The following ZC3H7A variants were observed in gnomAD, a reference collection of about 807,000 sequenced individuals.
ZC3H7A encodes zinc finger CCCH-type containing 7A.
Under a neutral mutation model 125.5 loss-of-function variants are expected in ZC3H7A, and 44 were observed. The ratio of observed to expected loss-of-function variants is 0.35; its 90% CI spans 0.28 to 0.45. The LOEUF (loss-of-function observed/expected upper bound fraction) is 0.45, where lower values mean the gene tolerates loss of function less well. ZC3H7A is among the 20% of genes least tolerant of loss of function. The pLI, the probability that ZC3H7A is intolerant of heterozygous loss-of-function variation, is 1.00. For synonymous variants in ZC3H7A, 399 were observed against 391.2 expected (o/e 1.02, Z -0.23); for missense variants, 977 against 1,170.7 (o/e 0.83, Z 2.41).
chr16:11,769,148 G>C, intron 10 of ZC3H7A, 53 bp from the exon 11 acceptor site: 1 of 1,495,212 alleles, frequency 6.7e-7, no homozygotes. Flanking sequence ...CACGTAATAA[G>C]AACATCAGGG....
At chr16:11,763,690 GT>G in intron 15 of ZC3H7A, 31 bp from the exon 16 acceptor site, 1 of 1,219,930 alleles carries the variant, frequency 8.2e-7, no homozygotes. Flanking sequence ...TTTTAATATT[GT>G]TCTGCCATAG....
At chr16:11,753,000 A>G in intron 21 of ZC3H7A, 168 bp from the exon 22 acceptor site, 2 of 723,608 alleles carry the variant, frequency 2.8e-6, no homozygotes, top group Non-Finnish European at 4.4e-6. Context: ...CACTCAGGAC[A>G]CAGAGAAGAA....
At chr16:11,787,213 G>A (rs1018119251) in intron 1 of ZC3H7A, among the ~76,000 whole-genome samples, 2 of 152,226 alleles carry the variant, frequency 1.3e-5, no homozygotes, top group Admixed American at 1.3e-4. Context: ...AAGGCAAGAG[G>A]ACTGATTAAG....
intron 1 of ZC3H7A, among the ~76,000 whole-genome samples, chr16:11,792,380 G>C (rs1369586468): frequency 1.3e-5 from 2 of 152,186 alleles, no homozygotes; most frequent in Non-Finnish European, 2.9e-5. Context: ...TGGATCTTCA[G>C]AACTCCCTTA....
intron 9 of ZC3H7A, among the ~76,000 whole-genome samples, chr16:11,771,280 C>T (rs2052976563): frequency 6.6e-6 from 1 of 151,746 alleles, no homozygotes; most frequent in African/African-American, 2.4e-5. Flanking sequence ...CCCAGCTACT[C>T]AGGAGGCTGA....
chr16:11,780,235 CTT>C (rs2141207365), intron 3 of ZC3H7A, among the ~76,000 whole-genome samples: 1 of 151,298 alleles, frequency 6.6e-6, no homozygotes, highest in South Asian at 2.1e-4. Flanking sequence ...ATTCTCGTGT[CTT>C]AGCCTCCCGA....
intron 2 of ZC3H7A, 91 bp downstream of exon 2, chr16:11,782,196 C>A (rs2053183598): frequency 2.1e-6 from 3 of 1,432,750 alleles, no homozygotes; most frequent in Non-Finnish European, 2.9e-6. Flanking sequence ...ACCTATTAAA[C>A]ATGACTAAAG....
chr16:11,781,500 G>C, intron 2 of ZC3H7A, 36 bp from the exon 3 acceptor site: 1 of 1,598,074 alleles, frequency 6.3e-7, no homozygotes, highest in Non-Finnish European at 8.6e-7. Context: ...TAATTATCAA[G>C]CTCCTTATCG....
In ZC3H7A at chr16:11,763,548, T is replaced by C; in HGVS notation, c.1932A>G (p.Leu644=). 6.2e-7 allele frequency: 1 copy of C among 1,611,038 alleles called. No homozygotes were observed. Among genetic ancestry groups the C allele is most frequent in the Non-Finnish European group, 8.5e-7 (1 of 1,178,420 alleles). The part of the protein sequence containing the change: ...LCRHEVRYGC[L]REDECFYAHS... ...GGGCATAAAAGCACTCATCTTCCCTTAAACAGCCATACCGAACTTCATGTC... is the reference window on the plus strand; with the variant it reads ...GGGCATAAAAGCACTCATCTTCCCTCAAACAGCCATACCGAACTTCATGTC... Residue 644 remains leucine, a synonymous_variant, in exon 16 of 23, where the codon TTA becomes TTG. Transcript: ENST00000355758.
In ZC3H7A at chr16:11,762,722, T is replaced by C. The variant is rs2052772939; in HGVS notation, c.2028A>G (p.Gln676=). ...AATTCTGCCAATATCGTTTAGACTC[T>C]TGAGCAATAGCATCATGTGAGATAC... ...ETGISHDAIA[Q]ESKRYWQNLE... is the part of the protein sequence containing the mutation. The change falls in exon 17 of 23, where the codon CAA becomes CAG. Residue 676 remains glutamine, a synonymous_variant. Transcript: ENST00000355758. 1.9e-6 allele frequency: 3 copies of C among 1,613,852 alleles called. No homozygotes were observed. Among genetic ancestry groups the C allele is most frequent in the East Asian group, 2.2e-5 (1 of 44,894 alleles).
At chr16:11,788,788 A>G (rs1172351568) in intron 1 of ZC3H7A, among the ~76,000 whole-genome samples, 2 of 151,438 alleles carry the variant, frequency 1.3e-5, no homozygotes, top group South Asian at 2.1e-4. Flanking sequence ...TAATTTTTGT[A>G]TTTTTAGTAG....
chr16:11,774,540 T>C (rs1431087083), intron 8 of ZC3H7A, 21 bp from the exon 9 acceptor site: 1 of 1,497,658 alleles, frequency 6.7e-7, no homozygotes, highest in African/African-American at 1.4e-5. Flanking sequence ...GATGGAAATG[T>C]ACTCAGTCAC....
chr16:11,784,776 C>G (rs1454987895), intron 1 of ZC3H7A, among the ~76,000 whole-genome samples: 1 of 150,682 alleles, frequency 6.6e-6, no homozygotes, highest in Non-Finnish European at 1.5e-5. Flanking sequence ...ATCACTTGAA[C>G]CTGGGAGGCG....
intron 15 of ZC3H7A, among the ~76,000 whole-genome samples, chr16:11,764,748 C>T (rs2052825234): frequency 6.6e-6 from 1 of 151,912 alleles, no homozygotes; most frequent in Admixed American, 6.6e-5. Context: ...AAAACCAAAT[C>T]ACTACATGCA....
intron 10 of ZC3H7A, 74 bp from the exon 11 acceptor site, chr16:11,769,169 T>C: frequency 7.6e-7 from 1 of 1,320,678 alleles, no homozygotes; most frequent in Non-Finnish European, 1.0e-6. Flanking sequence ...CTTAGTAGCT[T>C]ACTGGCTATG....
intron 1 of ZC3H7A, among the ~76,000 whole-genome samples, chr16:11,790,858 A>T (rs888838840): frequency 6.6e-6 from 1 of 151,820 alleles, no homozygotes; most frequent in Non-Finnish European, 1.5e-5. Flanking sequence ...CCTGGGCCAC[A>T]GAGCAACATT....
At chr16:11,768,203 A>G in intron 12 of ZC3H7A, 112 bp downstream of exon 12, 1 of 1,095,160 alleles carries the variant, frequency 9.1e-7, no homozygotes, top group Non-Finnish European at 1.2e-6. Flanking sequence ...CAAAATAGGG[A>G]TTGAAGAACC....
intron 1 of ZC3H7A, among the ~76,000 whole-genome samples, chr16:11,794,785 C>A (rs1056801001): frequency 7.9e-5 from 12 of 152,176 alleles, no homozygotes; most frequent in African/African-American, 2.7e-4. Flanking sequence ...TTTAACCCAC[C>A]CCAACTGGCA....
At chr16:11,763,265 G>A (rs1020743421) in intron 16 of ZC3H7A, 30 of 367,984 alleles carry the variant, frequency 8.2e-5, no homozygotes, top group East Asian at 5.5e-4. Flanking sequence ...CCACCACCAC[G>A]CCCGATTAAT....
Sources: gnomAD v4.1 joint callset for allele counts (sites outside exome capture counted in the v4.1 genomes callset) on GRCh38, gnomAD v4.1.1 for gene constraint, MANE v1.5 for transcripts, NCBI Gene and HGNC (gene_info 2026-07-23, HGNC 2026-07-21) for gene names.